ERC1: variants seen among roughly 807,000 people sequenced by gnomAD.
The protein encoded by ERC1 is RAB6 interacting protein 2.
Under a neutral mutation model 132.0 loss-of-function variants are expected in ERC1, and 56 were observed. That is an observed-to-expected ratio of 0.42 (90% CI 0.34 to 0.53). The LOEUF (loss-of-function observed/expected upper bound fraction) is 0.53, where lower values mean the gene tolerates loss of function less well. Ranked by LOEUF, ERC1 falls within the 20% of genes least tolerant of loss-of-function variation. The pLI is 0.03. For synonymous variants in ERC1, 478 were observed against 476.1 expected (o/e 1.00, Z -0.05); for missense variants, 1,202 against 1,349.9 (o/e 0.89, Z 1.72).
At chr12:1,081,700 G>A (rs1426001876) in intron 2 of ERC1, among the ~76,000 whole-genome samples, 1 of 152,150 alleles carries the variant, frequency 6.6e-6, no homozygotes, top group Non-Finnish European at 1.5e-5. Flanking sequence ...GCCGGGGGTA[G>A]GGGGAAATGG....
chr12:1,254,018 C>A (rs76425732), intron 13 of ERC1, among the ~76,000 whole-genome samples: 1 of 152,070 alleles, frequency 6.6e-6, no homozygotes, highest in East Asian at 1.9e-4. Flanking sequence ...GTGAAGTATT[C>A]GTATTTGATT....
chr12:1,449,197 T>C (rs539643999), intron 18 of ERC1, among the ~76,000 whole-genome samples: 1 of 152,208 alleles, frequency 6.6e-6, no homozygotes, highest in Non-Finnish European at 1.5e-5. Context: ...CTTTTGATTT[T>C]ACAGGCTTAT....
chr12:1,003,239 T>C (rs1174132409), intron 1 of ERC1, among the ~76,000 whole-genome samples: 1 of 152,186 alleles, frequency 6.6e-6, no homozygotes, highest in African/African-American at 2.4e-5. Flanking sequence ...TTCAATATGA[T>C]ATCCCTGTTA....
chr12:1,048,477 A>G (rs575422429), intron 2 of ERC1, among the ~76,000 whole-genome samples: 1 of 151,978 alleles, frequency 6.6e-6, no homozygotes, highest in East Asian at 1.9e-4. Flanking sequence ...TGTTCTGCCC[A>G]CTCATTGGCT....
chr12:1,078,695 T>C (rs1941717007), intron 2 of ERC1, among the ~76,000 whole-genome samples: 1 of 152,168 alleles, frequency 6.6e-6, no homozygotes, highest in Admixed American at 6.5e-5. Context: ...ATTTTCCTAA[T>C]ATGAAGAGCT....
At chr12:1,118,248 T>TAC (rs1313263714) in intron 7 of ERC1, among the ~76,000 whole-genome samples, 1 of 152,168 alleles carries the variant, frequency 6.6e-6, no homozygotes, top group Non-Finnish European at 1.5e-5. Flanking sequence ...GTGGCAGGTG[T>TAC]ACAAACCAGA....
chr12:1,301,533 G>C (rs2080402969), intron 15 of ERC1, among the ~76,000 whole-genome samples: 1 of 152,112 alleles, frequency 6.6e-6, no homozygotes. Flanking sequence ...GATGGAGCTA[G>C]AGGTCATTAT....
At chr12:1,293,661 C>T (rs1301293917) in intron 15 of ERC1, among the ~76,000 whole-genome samples, 2 of 151,386 alleles carry the variant, frequency 1.3e-5, no homozygotes, top group Admixed American at 1.3e-4. Context: ...GGGTTGTTCA[C>T]ATTCTAAAAA....
intron 8 of ERC1, among the ~76,000 whole-genome samples, chr12:1,142,759 T>G (rs1949970505): frequency 6.6e-6 from 1 of 152,246 alleles, no homozygotes; most frequent in Non-Finnish European, 1.5e-5. Flanking sequence ...ACATCCTTTG[T>G]ATTTTCTATT....
At chr12:1,121,667 CTCTATCTCTA>C (rs777184714) in intron 7 of ERC1, among the ~76,000 whole-genome samples, 37,868 of 54,026 alleles carry the variant, frequency 0.7, 14,836 homozygotes, top group East Asian at 0.96. Context: ...CTATCTCTAT[CTCTATCTCTA>C]TCTATCTCTA....
chr12:1,343,563 T>C (rs181508426), intron 15 of ERC1, among the ~76,000 whole-genome samples: 39 of 152,308 alleles, frequency 2.6e-4, no homozygotes, highest in African/African-American at 8.2e-4. Context: ...AGTATTGATA[T>C]TGAGTTATTT....
intron 17 of ERC1, among the ~76,000 whole-genome samples, chr12:1,435,761 G>T (rs1252039359): frequency 6.6e-6 from 1 of 152,066 alleles, no homozygotes; most frequent in Admixed American, 6.5e-5. Context: ...ACAGTTTTCT[G>T]GCTGTTTCCG....
At chr12:1,008,644 A>G (rs7974198) in intron 1 of ERC1, among the ~76,000 whole-genome samples, 57,262 of 124,436 alleles carry the variant, frequency 0.46, 13,562 homozygotes, top group African/African-American at 0.69. Context: ...TAATTGAAAT[A>G]CTAATTTTTT....
chr12:1,381,410 G>T (rs150901673), intron 16 of ERC1, among the ~76,000 whole-genome samples: 14 of 152,196 alleles, frequency 9.2e-5, no homozygotes, highest in Middle Eastern at 6.8e-3. Context: ...GGAGTGCGGT[G>T]TGCAGTCATA....
chr12:1,469,566 A>T (rs776535804), intron 18 of ERC1, among the ~76,000 whole-genome samples: 1 of 152,242 alleles, frequency 6.6e-6, no homozygotes, highest in Non-Finnish European at 1.5e-5. Context: ...GTGTGAAGCC[A>T]TGTGGGTCCT....
chr12:1,317,197 A>G (rs1386913057), intron 15 of ERC1, among the ~76,000 whole-genome samples: 6 of 151,900 alleles, frequency 3.9e-5, no homozygotes, highest in Admixed American at 1.3e-4. Context: ...AATGTGTAAC[A>G]TATACACCAT....
At chr12:1,448,454 A>G (rs1403412543) in intron 18 of ERC1, among the ~76,000 whole-genome samples, 1 of 152,232 alleles carries the variant, frequency 6.6e-6, no homozygotes, top group African/African-American at 2.4e-5. Flanking sequence ...AGGCTGTCTA[A>G]CAATACAAAA....
intron 2 of ERC1, among the ~76,000 whole-genome samples, chr12:1,077,725 C>A (rs969909181): frequency 6.6e-5 from 10 of 152,174 alleles, no homozygotes; most frequent in African/African-American, 2.4e-4. Flanking sequence ...TCCTTAAACT[C>A]AATGTATCTG....
intron 15 of ERC1, among the ~76,000 whole-genome samples, chr12:1,302,136 A>C (rs1252809689): frequency 4.6e-5 from 7 of 152,250 alleles, no homozygotes; most frequent in Admixed American, 3.9e-4. Context: ...AATATAAATA[A>C]GAAAGCTAAT....
Sources: gnomAD v4.1 joint callset for allele counts (sites outside exome capture counted in the v4.1 genomes callset) on GRCh38, gnomAD v4.1.1 for gene constraint, MANE v1.5 for transcripts, NCBI Gene and HGNC (gene_info 2026-07-23, HGNC 2026-07-21) for gene names.